CHL1: variants seen among roughly 807,000 people sequenced by gnomAD.
The protein encoded by CHL1 is cell adhesion molecule L1 like, also known as neural cell adhesion molecule L1-like protein.
In CHL1, 96 loss-of-function variants were observed where a neutral mutation model predicts 141.9. That is an observed-to-expected ratio of 0.68 (90% CI 0.57 to 0.80). CHL1 has a LOEUF of 0.80. CHL1 is among the 30% of genes least tolerant of loss of function. CHL1 has a pLI of 0.00. For synonymous variants in CHL1, 613 were observed against 502.2 expected, an observed-to-expected ratio of 1.22 and a Z score of -2.95; for missense variants, 1,820 against 1,457.2, an observed-to-expected ratio of 1.25 and a Z score of -4.05.
intron 13 of CHL1, among the ~76,000 whole-genome samples, chr3:362,717 G>C (rs186575125): frequency 1.3e-5 from 2 of 152,140 alleles, no homozygotes; most frequent in African/African-American, 4.8e-5. Flanking sequence ...GCTGAATGTT[G>C]GAGGAAATGG....
At chr3:356,595 G>A (rs1304389760) in intron 11 of CHL1, among the ~76,000 whole-genome samples, 1 of 152,174 alleles carries the variant, frequency 6.6e-6, no homozygotes, top group African/African-American at 2.4e-5. Context: ...TCAGGACCCA[G>A]AGTTGCAATC....
At chr3:305,632 A>G (rs1057199860) in intron 2 of CHL1, among the ~76,000 whole-genome samples, 6 of 151,506 alleles carry the variant, frequency 4.0e-5, no homozygotes, top group African/African-American at 1.5e-4. Context: ...TCACTTAACA[A>G]AAAATAATAG....
chr3:231,540 A>G (rs1219119951), intron 1 of CHL1, among the ~76,000 whole-genome samples: 1 of 150,306 alleles, frequency 6.7e-6, no homozygotes, highest in Non-Finnish European at 1.5e-5. Flanking sequence ...TGAAATTTTC[A>G]GTTGGGAGTA....
chr3:281,525 T>C lies in CHL1; in HGVS notation c.-95+36833T>C, dbSNP rs115188284. 9.0e-3 allele frequency among the ~76,000 whole-genome samples: 1,373 copies of C among 151,782 alleles called. 25 individuals are homozygous for C. Among genetic ancestry groups the C allele is most frequent in the African/African-American group, 0.032 (1,305 of 41,362 alleles). ...CTACTTTGTCTAATGTTAATATAACTACCCCAGATTTGTTTTATTTTTCCA... is the reference window on the plus strand; with the variant it reads ...CTACTTTGTCTAATGTTAATATAACCACCCCAGATTTGTTTTATTTTTCCA... On this transcript the variant is annotated intron_variant, in intron 2 of 27. Coordinates refer to ENST00000256509, the MANE Select transcript of CHL1 (RefSeq NM_006614.4).
chr3:285,287 T>C (rs1697028358), intron 2 of CHL1, among the ~76,000 whole-genome samples: 1 of 152,212 alleles, frequency 6.6e-6, no homozygotes, highest in South Asian at 2.1e-4. Context: ...TTATGACAGC[T>C]GGGTGACTTG....
At chr3:204,727 C>G (rs988630411) in intron 1 of CHL1, among the ~76,000 whole-genome samples, 3 of 152,114 alleles carry the variant, frequency 2.0e-5, no homozygotes, top group Non-Finnish European at 2.9e-5. Context: ...AAGATAAATA[C>G]TGACCTTTTC....
At chr3:323,260 A>C (rs190663670) in intron 3 of CHL1, among the ~76,000 whole-genome samples, 1 of 152,134 alleles carries the variant, frequency 6.6e-6, no homozygotes, top group African/African-American at 2.4e-5. Context: ...TCAAGAAAAC[A>C]TTAGAATTGT....
chr3:305,225 A>C lies in CHL1; in HGVS notation c.-94-14458A>C, dbSNP rs56394116. Among the ~76,000 whole-genome samples the C allele has an allele frequency of 1.9e-3, 293 of 152,174 alleles. 2 individuals are homozygous for C. The Middle Eastern group carries it at 0.037, about 19-fold the overall frequency. ...CTAAAAGTCACTTTTATTTAATCTC[A>C]GGTTTTATCAAAATATTTACAGAAC... On this transcript the variant is annotated intron_variant, in intron 2 of 27. Transcript: ENST00000256509.
intron 1 of CHL1, among the ~76,000 whole-genome samples, chr3:235,755 C>G (rs1411371382): frequency 6.6e-6 from 1 of 152,132 alleles, no homozygotes; most frequent in Non-Finnish European, 1.5e-5. Flanking sequence ...AAAAGATTAT[C>G]TATTTGACTT....
chr3:361,572 C>G, intron 12 of CHL1, 127 bp from the exon 13 acceptor site: 2 of 625,626 alleles, frequency 3.2e-6, no homozygotes, highest in East Asian at 2.6e-5. Flanking sequence ...TTCTATAATT[C>G]AAAACAGACA....
At chr3:360,944 G>A (rs1296866545) in intron 12 of CHL1, among the ~76,000 whole-genome samples, 3 of 151,458 alleles carry the variant, frequency 2.0e-5, no homozygotes, top group East Asian at 3.9e-4. Flanking sequence ...TGGCTGCATA[G>A]TATTCCATGG....
chr3:292,689 G>A (rs1047693057), intron 2 of CHL1, among the ~76,000 whole-genome samples: 4 of 152,288 alleles, frequency 2.6e-5, no homozygotes, highest in South Asian at 4.1e-4. Context: ...CCATGGCACC[G>A]CTCAGCTTCT....
chr3:360,622 GGT>G (rs1258734721), intron 12 of CHL1, among the ~76,000 whole-genome samples, 198 bp downstream of exon 12: 28 of 151,050 alleles, frequency 1.9e-4, no homozygotes, highest in African/African-American at 6.1e-4. Context: ...TAAGTTTTAG[GGT>G]ACATGTGCAC....
chr3:258,957 A>G (rs1694441238), intron 2 of CHL1, among the ~76,000 whole-genome samples: 2 of 134,436 alleles, frequency 1.5e-5, no homozygotes, highest in Non-Finnish European at 3.1e-5. Context: ...TTTTTCTGAG[A>G]CATTCTCCCT....
Position 398,340 on chromosome 3 carries a change from G to A in CHL1, c.3208G>A (p.Asp1070Asn), listed in dbSNP as rs752896455. ...TCGCCTAATGACTAAGAATTGGGGC[G>A]ATAATGATAGCATTTTTCAAGATGT... is the stretch of plus-strand genomic sequence containing the variant. ...IVRLMTKNWG[D>N]NDSIFQDVIE... The change falls in exon 25 of 28, where the codon GAT becomes AAT. Residue 1070 changes from aspartate to asparagine, a missense_variant. By Grantham distance (23) the Asp-to-Asn change is conservative. Coordinates refer to ENST00000256509, the MANE Select transcript of CHL1 (RefSeq NM_006614.4). 29 of 1,606,326 alleles carry A rather than the reference G, an allele frequency of 1.8e-5. No homozygotes were observed. The highest frequency in any genetic ancestry group is 1.6e-4 in the South Asian group (15 of 90,910).
intron 13 of CHL1, among the ~76,000 whole-genome samples, 157 bp downstream of exon 13, chr3:361,967 T>C (rs1480611087): frequency 6.6e-6 from 1 of 152,222 alleles, no homozygotes; most frequent in Non-Finnish European, 1.5e-5. Context: ...TCCAGGAAAT[T>C]AGCTCTACTG....
At chr3:328,047 T>A in intron 4 of CHL1, 120 bp from the exon 5 acceptor site, 1 of 632,062 alleles carries the variant, frequency 1.6e-6, no homozygotes, top group African/African-American at 1.9e-5. Flanking sequence ...TATATTCCAT[T>A]AAGTATATAC....
chr3:349,465 C>A lies in CHL1; in HGVS notation c.955C>A (p.Gln319Lys), dbSNP rs1304004416. The A allele has an allele frequency of 1.2e-6, 2 of 1,613,842 alleles. No homozygotes were observed. Among genetic ancestry groups the A allele is most frequent in the East Asian group, 2.2e-5 (1 of 44,892 alleles). The change falls in exon 10 of 28, where the codon CAG becomes AAG. Residue 319 changes from glutamine (Q) to lysine (K), a missense_variant. Coordinates refer to ENST00000256509, the MANE Select transcript of CHL1 (RefSeq NM_006614.4). ...TTTGAAGATAGAGAATGTCTCCTAC[C>A]AGGACAAAGGAAATTATCGCTGCAC... ...KTLKIENVSY[Q>K]DKGNYRCTAS...
intron 1 of CHL1, among the ~76,000 whole-genome samples, chr3:226,775 C>A (rs923480401): frequency 6.6e-6 from 1 of 151,958 alleles, no homozygotes; most frequent in Admixed American, 6.6e-5. Context: ...TATTTTTCTC[C>A]AATCTTTTAA....
Sources: gnomAD v4.1 joint callset for allele counts (sites outside exome capture counted in the v4.1 genomes callset) on GRCh38, gnomAD v4.1.1 for gene constraint, MANE v1.5 for transcripts, NCBI Gene and HGNC (gene_info 2026-07-23, HGNC 2026-07-21) for gene names.